Variants in CAST observed in about 807,000 individuals in gnomAD.
CAST encodes MIR583 host.
Under a neutral mutation model 119.6 loss-of-function variants are expected in CAST, and 76 were observed. That is an observed-to-expected ratio of 0.64 (90% CI 0.53 to 0.77). The LOEUF is 0.77. CAST is among the 30% of genes least tolerant of loss of function. CAST has a pLI of 0.00. For synonymous variants in CAST, 319 were observed against 331.6 expected, an observed-to-expected ratio of 0.96 and a Z score of 0.41; for missense variants, 953 against 946.5, an observed-to-expected ratio of 1.01 and a Z score of -0.09.
chr5:96,593,892 T>C (rs1281538330), intron 1 of CAST, among the ~76,000 whole-genome samples: 1 of 152,190 alleles, frequency 6.6e-6, no homozygotes, highest in Non-Finnish European at 1.5e-5. Flanking sequence ...ATTTCTGTTG[T>C]TTTTAAGCCA....
chr5:96,309,820 C>A, the CAST span, among the ~76,000 whole-genome samples: 13 of 152,350 alleles, frequency 8.5e-5, 1 homozygote, highest in East Asian at 2.1e-3. Context: ...GAACTGGGTA[C>A]CTCAGTTTGA....
the CAST span, among the ~76,000 whole-genome samples, chr5:96,387,652 T>G: frequency 6.6e-6 from 1 of 152,228 alleles, no homozygotes; most frequent in Non-Finnish European, 1.5e-5. Context: ...ATGATACTCT[T>G]TTCTATGAAT....
chr5:96,255,663 C>T, the CAST span, among the ~76,000 whole-genome samples: 1 of 151,964 alleles, frequency 6.6e-6, no homozygotes, highest in Non-Finnish European at 1.5e-5. Flanking sequence ...GTCATGAAGT[C>T]TGAAAAATTT....
At chr5:96,358,576 A>G in the CAST span, among the ~76,000 whole-genome samples, 1 of 152,024 alleles carries the variant, frequency 6.6e-6, no homozygotes, top group Admixed American at 6.6e-5. Flanking sequence ...TTCTGCCTTA[A>G]TTTCATTATT....
At chr5:96,276,417 T>C in the CAST span, among the ~76,000 whole-genome samples, 1 of 152,334 alleles carries the variant, frequency 6.6e-6, no homozygotes, top group African/African-American at 2.4e-5. Context: ...CGTGGCTTTT[T>C]ACATATGTTA....
the CAST span, among the ~76,000 whole-genome samples, chr5:96,514,198 A>C: frequency 6.6e-6 from 1 of 152,202 alleles, no homozygotes; most frequent in South Asian, 2.1e-4. Flanking sequence ...TTAGGGGCAC[A>C]ATTCAACCCA....
chr5:96,238,582 T>G, the CAST span, among the ~76,000 whole-genome samples: 1 of 147,776 alleles, frequency 6.8e-6, no homozygotes, highest in South Asian at 2.1e-4. Context: ...GTATTTTTAG[T>G]AGAGATGGTG....
chr5:96,189,003 T>C, the CAST span, among the ~76,000 whole-genome samples: 4 of 152,208 alleles, frequency 2.6e-5, no homozygotes, highest in South Asian at 6.2e-4. Context: ...GCTTCTTCAC[T>C]CTATCACTGA....
the CAST span, among the ~76,000 whole-genome samples, chr5:96,216,599 T>G: frequency 6.6e-6 from 1 of 152,222 alleles, no homozygotes; most frequent in Non-Finnish European, 1.5e-5. Flanking sequence ...ATTCATTCAC[T>G]GAATTACTCA....
At chr5:96,218,934 C>T in the CAST span, among the ~76,000 whole-genome samples, 1 of 151,942 alleles carries the variant, frequency 6.6e-6, no homozygotes, top group African/African-American at 2.4e-5. Context: ...GGGTGTTTGG[C>T]AAGTTACTTA....
intron 1 of CAST, among the ~76,000 whole-genome samples, chr5:96,548,722 G>A (rs962721870): frequency 2.0e-5 from 3 of 152,162 alleles, no homozygotes; most frequent in African/African-American, 7.2e-5. Context: ...TTATTTCTCA[G>A]TGCCTCAATA....
intron 1 of CAST, among the ~76,000 whole-genome samples, chr5:96,633,956 A>T (rs1264847843): frequency 6.6e-6 from 1 of 152,200 alleles, no homozygotes; most frequent in Non-Finnish European, 1.5e-5. Context: ...GCCAATTAGA[A>T]CAACTCATGA....
the CAST span, among the ~76,000 whole-genome samples, chr5:96,055,078 A>T: frequency 6.6e-6 from 1 of 152,104 alleles, no homozygotes; most frequent in Non-Finnish European, 1.5e-5. Flanking sequence ...TCTTCAAGGC[A>T]GGTGTCTTTC....
the CAST span, among the ~76,000 whole-genome samples, chr5:96,152,389 G>A: frequency 3.9e-5 from 6 of 152,192 alleles, no homozygotes; most frequent in Admixed American, 6.5e-5. Context: ...CACCTTCCCA[G>A]GCTTCTCTGG....
upstream of CAST, among the ~76,000 whole-genome samples, chr5:96,659,880 A>C (rs906665374): frequency 6.6e-6 from 1 of 152,208 alleles, no homozygotes; most frequent in Non-Finnish European, 1.5e-5. Context: ...ATGATATCAA[A>C]GTTCCAATAA....
chr5:96,222,405 C>G, the CAST span, among the ~76,000 whole-genome samples: 1 of 151,862 alleles, frequency 6.6e-6, no homozygotes, highest in South Asian at 2.1e-4. Flanking sequence ...CCTCGAACAA[C>G]ACAACAATTA....
At chr5:96,498,249 G>C in the CAST span, among the ~76,000 whole-genome samples, 1 of 152,210 alleles carries the variant, frequency 6.6e-6, no homozygotes, top group Non-Finnish European at 1.5e-5. Context: ...GTACCATGCT[G>C]TTTTGGTTAC....
the CAST span, among the ~76,000 whole-genome samples, chr5:96,088,827 G>C: frequency 6.6e-6 from 1 of 152,018 alleles, no homozygotes; most frequent in South Asian, 2.1e-4. Flanking sequence ...GCTCCTGCTT[G>C]GGGCAGGCAT....
At chr5:96,175,184 T>G in the CAST span, among the ~76,000 whole-genome samples, 2 of 152,218 alleles carry the variant, frequency 1.3e-5, no homozygotes, top group African/African-American at 4.8e-5. Context: ...TGCAATTAAA[T>G]GAAGTCAGTG....
Sources: allele counts gnomAD v4.1 joint callset (sites outside exome capture counted in the v4.1 genomes callset), GRCh38; gene constraint gnomAD v4.1.1; transcripts MANE v1.5; gene names NCBI Gene and HGNC (gene_info 2026-07-23, HGNC 2026-07-21).